HTR4: variants seen among roughly 807,000 people sequenced by gnomAD.
The protein encoded by HTR4 is 5-hydroxytryptamine receptor 4, also known as 5-hydroxytryptamine (serotonin) receptor 4, G protein-coupled.
In HTR4, 16 loss-of-function variants were observed where a neutral mutation model predicts 36.8. The ratio of observed to expected loss-of-function variants is 0.43; its 90% confidence interval spans 0.29 to 0.66. The LOEUF is 0.66. Ranked by LOEUF, HTR4 falls within the 30% of genes least tolerant of loss-of-function variation. HTR4 has a pLI of 0.13. For synonymous variants in HTR4, 189 were observed against 185.1 expected, an observed-to-expected ratio of 1.02 and a Z score of -0.17; for missense variants, 438 against 490.9, an observed-to-expected ratio of 0.89 and a Z score of 1.02.
intron 4 of HTR4, 27 bp downstream of exon 4, chr5:148,548,641 C>A: frequency 1.3e-6 from 2 of 1,552,938 alleles, no homozygotes; most frequent in Non-Finnish European, 1.8e-6. Context: ...GCATGGAGCT[C>A]CGCTATGCAC....
At chr5:148,484,783 T>G (rs773187838) in intron 6 of HTR4, among the ~76,000 whole-genome samples, 126 of 152,332 alleles carry the variant, frequency 8.3e-4, no homozygotes, top group Middle Eastern at 3.4e-3. Flanking sequence ...TGAACATAGC[T>G]TTTGTTCATC....
chr5:148,550,007 T>G, intron 3 of HTR4, 130 bp downstream of exon 3: 1 of 935,656 alleles, frequency 1.1e-6, no homozygotes. Context: ...CCCCTTTTAT[T>G]TTTAAAATGT....
chr5:148,611,373 C>T (rs1018654828), intron 2 of HTR4, among the ~76,000 whole-genome samples: 1 of 151,176 alleles, frequency 6.6e-6, no homozygotes, highest in Non-Finnish European at 1.5e-5. Flanking sequence ...GGCCAATATT[C>T]AACATTCTTA....
At chr5:148,591,828 G>T (rs1761584345) in intron 2 of HTR4, among the ~76,000 whole-genome samples, 1 of 152,294 alleles carries the variant, frequency 6.6e-6, no homozygotes, top group East Asian at 1.9e-4. Context: ...AGAGAAAAGG[G>T]AACACTTATA....
intron 5 of HTR4, among the ~76,000 whole-genome samples, chr5:148,457,763 G>A (rs1156523055): frequency 1.5e-4 from 19 of 130,234 alleles, no homozygotes; most frequent in African/African-American, 3.2e-4. Flanking sequence ...ATATATTTTG[G>A]TATATCATTA....
rs17639735 is a variant in HTR4 at position 148,636,974 on chromosome 5, A to G, written c.26+15T>C. ...TCTCAGTTTACAACACAATATGTAC[A>G]GAAAGGTAACATACCTCACATTAGC... On this transcript the variant is annotated intron_variant, in intron 2 of 6. Transcript: ENST00000377888. 0.098 allele frequency: 150,078 copies of G among 1,534,516 alleles called. 7,953 individuals carry two copies. The highest frequency in any genetic ancestry group is 0.11 in the Non-Finnish European group (119,147 of 1,109,026).
At chr5:148,614,596 A>C (rs1581548653) in intron 2 of HTR4, among the ~76,000 whole-genome samples, 2 of 152,356 alleles carry the variant, frequency 1.3e-5, no homozygotes, top group East Asian at 1.9e-4. Context: ...AAACCTAGGC[A>C]TTACCATTCA....
At chr5:148,615,424 A>G (rs912042811) in intron 2 of HTR4, among the ~76,000 whole-genome samples, 11 of 148,278 alleles carry the variant, frequency 7.4e-5, no homozygotes, top group South Asian at 2.2e-4. Context: ...GTAAACTATC[A>G]CAAGAACAAA....
At chr5:148,485,959 T>G (rs1756139083) in intron 6 of HTR4, among the ~76,000 whole-genome samples, 1 of 152,220 alleles carries the variant, frequency 6.6e-6, no homozygotes, top group Non-Finnish European at 1.5e-5. Flanking sequence ...CAAACTCAGC[T>G]TCAATATATT....
chr5:148,547,502 G>C (rs182014790), intron 4 of HTR4, among the ~76,000 whole-genome samples: 160 of 137,954 alleles, frequency 1.2e-3, no homozygotes, highest in East Asian at 2.9e-3. Context: ...CTGGGTGACA[G>C]AGCAAGACTT....
At chr5:148,619,707 G>A (rs907408142) in intron 2 of HTR4, among the ~76,000 whole-genome samples, 1 of 152,158 alleles carries the variant, frequency 6.6e-6, no homozygotes, top group Admixed American at 6.5e-5. Context: ...ACTTCTTTGT[G>A]TGTGATTTGC....
chr5:148,548,305 C>G (rs1005290741), intron 4 of HTR4, among the ~76,000 whole-genome samples: 2 of 152,166 alleles, frequency 1.3e-5, no homozygotes, highest in African/African-American at 4.8e-5. Context: ...CCCCTGCTGC[C>G]CTCTGGGAAG....
intron 4 of HTR4, among the ~76,000 whole-genome samples, chr5:148,544,077 T>C (rs1309939136): frequency 6.6e-6 from 1 of 150,904 alleles, no homozygotes; most frequent in Non-Finnish European, 1.5e-5. Flanking sequence ...AAGGGAAAAT[T>C]GAAGTTTAAA....
chr5:148,530,502 T>C (rs1298474047), intron 4 of HTR4, among the ~76,000 whole-genome samples: 1 of 152,068 alleles, frequency 6.6e-6, no homozygotes, highest in African/African-American at 2.4e-5. Context: ...AGAATTAAGG[T>C]TTGGGAACCT....
At chr5:148,456,111 A>G (rs1755096436) in intron 5 of HTR4, among the ~76,000 whole-genome samples, 1 of 152,184 alleles carries the variant, frequency 6.6e-6, no homozygotes, top group Non-Finnish European at 1.5e-5. Flanking sequence ...GAACTAGTCC[A>G]AGCTTTCCTT....
At chr5:148,510,342 G>A (rs1581402577) in intron 5 of HTR4, among the ~76,000 whole-genome samples, 1 of 152,326 alleles carries the variant, frequency 6.6e-6, no homozygotes, top group Non-Finnish European at 1.5e-5. Flanking sequence ...CTGTACAAGA[G>A]GAACTGAAGG....
chr5:148,506,960 G>A (rs1290919022), intron 6 of HTR4, among the ~76,000 whole-genome samples: 2 of 152,224 alleles, frequency 1.3e-5, no homozygotes, highest in African/African-American at 4.8e-5. Context: ...GTGGAAGACA[G>A]TGTGGCGATT....
Position 148,518,969 on chromosome 5 carries a change from G to A in HTR4, c.507+4224C>T, listed in dbSNP as rs184479972. Among the ~76,000 whole-genome samples the A allele has an allele frequency of 7.9e-5, 12 of 151,688 alleles. No homozygotes were observed. The East Asian group carries it at 1.4e-3, about 17-fold the overall frequency. On this transcript the variant is annotated intron_variant, in intron 5 of 6. Coordinates refer to ENST00000377888, the MANE Select transcript of HTR4 (RefSeq NM_000870.7). Reference sequence around the variant, plus strand: ...TAAAATGTAACACCTGAAATATATCGTACTTTCTCCTCACTAGATTTTAAA... The same window carrying A: ...TAAAATGTAACACCTGAAATATATCATACTTTCTCCTCACTAGATTTTAAA...
chr5:148,481,715 T>C lies in HTR4; in HGVS notation c.*1488A>G, dbSNP rs1431410669. On this transcript the variant is annotated 3_prime_UTR_variant, in exon 7 of 7. Transcript: ENST00000377888. Reference sequence around the variant, plus strand: ...AATATGATAAATAATCCTGAGATGCTATTAAACCACAGCCAAGATCAAAGT... The same window carrying C: ...AATATGATAAATAATCCTGAGATGCCATTAAACCACAGCCAAGATCAAAGT... The C allele has an allele frequency of 6.9e-7, 1 of 1,444,814 alleles. No homozygotes were observed. Among genetic ancestry groups the C allele is most frequent in the Non-Finnish European group, 9.0e-7 (1 of 1,110,124 alleles). The allele number at this position is 1,444,814 out of a possible 1,614,324, so 89.5% of individuals were successfully genotyped here.
Sources: gnomAD v4.1 joint callset for allele counts (sites outside exome capture counted in the v4.1 genomes callset) on GRCh38, gnomAD v4.1.1 for gene constraint, MANE v1.5 for transcripts, NCBI Gene and HGNC (gene_info 2026-07-23, HGNC 2026-07-21) for gene names.